Variants in CADPS2 observed in about 807,000 individuals in gnomAD.
CADPS2 encodes the protein calcium dependent secretion activator 2.
CADPS2 carries 93 observed loss-of-function variants against 172.5 expected under a neutral mutation model. The ratio of observed to expected loss-of-function variants is 0.54; its 90% CI spans 0.46 to 0.64. The LOEUF is 0.64. Ranked by LOEUF, CADPS2 falls within the 30% of genes least tolerant of loss-of-function variation. The pLI, the probability that CADPS2 is intolerant of heterozygous loss-of-function variation, is 0.00. For missense variants in CADPS2, 1,420 were observed against 1,565.9 expected, an observed-to-expected ratio of 0.91 and a Z score of 1.57; for synonymous variants, 546 against 555.2, an observed-to-expected ratio of 0.98 and a Z score of 0.23.
At chr7:122,472,723 GATAGA>G (rs752096686) in intron 13 of CADPS2, among the ~76,000 whole-genome samples, 4 of 152,168 alleles carry the variant, frequency 2.6e-5, no homozygotes, top group Non-Finnish European at 5.9e-5. Flanking sequence ...TCCATGAAAA[GATAGA>G]ATAGGATTTT....
chr7:122,392,167 G>C (rs1044701699), intron 22 of CADPS2, among the ~76,000 whole-genome samples: 1 of 152,060 alleles, frequency 6.6e-6, no homozygotes, highest in Non-Finnish European at 1.5e-5. Context: ...GTAACTGCCC[G>C]AGTTTTCCCA....
intron 2 of CADPS2, among the ~76,000 whole-genome samples, chr7:122,693,257 CTTCT>C (rs2084631358): frequency 6.6e-6 from 1 of 152,184 alleles, no homozygotes; most frequent in African/African-American, 2.4e-5. Context: ...ATATCATTTC[CTTCT>C]TTAAGTGTTC....
At chr7:122,642,212 A>G (rs1351961864) in intron 3 of CADPS2, among the ~76,000 whole-genome samples, 2 of 151,326 alleles carry the variant, frequency 1.3e-5, no homozygotes, top group African/African-American at 2.4e-5. Context: ...CCCAGGAGGC[A>G]GAGGTTGCAG....
chr7:122,437,539 A>G (rs1200227158), intron 17 of CADPS2, among the ~76,000 whole-genome samples: 2 of 152,086 alleles, frequency 1.3e-5, no homozygotes, highest in African/African-American at 4.8e-5. Flanking sequence ...TTTTATTTTC[A>G]GGTAAGAAAC....
rs116359524 is a variant in CADPS2, at chr7:122,371,243, A to G, written c.3387+8125T>C. 5.5e-3 allele frequency among the ~76,000 whole-genome samples: 842 copies of G among 152,342 alleles called. 6 individuals are homozygous for G. The highest frequency in any genetic ancestry group is 0.019 in the African/African-American group (777 of 41,574). On this transcript the variant is annotated intron_variant, in intron 25 of 29. Coordinates refer to ENST00000449022, the MANE Select transcript of CADPS2 (RefSeq NM_017954.11). ...AAAGATACTCTGGCTTCAGGGCTGT[A>G]TTAGTCTGTTCACACACTGCTATGA...
At chr7:122,738,302 G>A (rs1394771577) in intron 1 of CADPS2, among the ~76,000 whole-genome samples, 1 of 152,112 alleles carries the variant, frequency 6.6e-6, no homozygotes, top group African/African-American at 2.4e-5. Flanking sequence ...ATTAAGCTGA[G>A]TGCAGAGCCC....
intron 11 of CADPS2, among the ~76,000 whole-genome samples, chr7:122,481,162 C>A (rs1393678381): frequency 1.9e-5 from 2 of 107,544 alleles, no homozygotes; most frequent in Non-Finnish European, 1.8e-5. Context: ...TTTCTTCATT[C>A]TTTTTTTTTT....
intron 1 of CADPS2, among the ~76,000 whole-genome samples, chr7:122,819,740 T>C (rs1584619266): frequency 6.6e-6 from 1 of 152,210 alleles, no homozygotes; most frequent in Non-Finnish European, 1.5e-5. Context: ...ACTACAGCTA[T>C]ATCTCATCGC....
chr7:122,533,233 T>C (rs2061937879), intron 8 of CADPS2, among the ~76,000 whole-genome samples: 1 of 152,116 alleles, frequency 6.6e-6, no homozygotes, highest in African/African-American at 2.4e-5. Flanking sequence ...TCTTTATTAA[T>C]ATGTAGAAAT....
At chr7:122,491,269 T>C (rs1346295247) in intron 10 of CADPS2, 43 bp downstream of exon 10, 2 of 1,251,662 alleles carry the variant, frequency 1.6e-6, no homozygotes, top group East Asian at 2.4e-5. Flanking sequence ...AAGAATTCCA[T>C]GCATACATAC....
chr7:122,882,791 C>T (rs1287750800), intron 1 of CADPS2, among the ~76,000 whole-genome samples: 1 of 152,120 alleles, frequency 6.6e-6, no homozygotes, highest in African/African-American at 2.4e-5. Flanking sequence ...ATTGTTAGCA[C>T]TGGGGTGGTG....
chr7:122,813,423 T>C (rs1800542301), intron 1 of CADPS2, among the ~76,000 whole-genome samples: 1 of 152,138 alleles, frequency 6.6e-6, no homozygotes, highest in South Asian at 2.1e-4. Flanking sequence ...GTCTCTTTGC[T>C]AAAACGTTAC....
chr7:122,605,177 T>C (rs924640746), intron 6 of CADPS2, among the ~76,000 whole-genome samples: 3 of 152,082 alleles, frequency 2.0e-5, no homozygotes, highest in African/African-American at 7.2e-5. Flanking sequence ...GAAAGGAAAT[T>C]GCAGGACGGG....
chr7:122,536,854 A>G (rs756001953), intron 8 of CADPS2, among the ~76,000 whole-genome samples: 16 of 152,134 alleles, frequency 1.1e-4, no homozygotes, highest in Non-Finnish European at 2.1e-4. Flanking sequence ...AGACTTGGTC[A>G]CCACTGGTCA....
intron 9 of CADPS2, among the ~76,000 whole-genome samples, chr7:122,506,200 T>C (rs2059595800): frequency 6.6e-6 from 1 of 152,210 alleles, no homozygotes; most frequent in Non-Finnish European, 1.5e-5. Flanking sequence ...CGGTATTTGT[T>C]TTCATTTACG....
intron 6 of CADPS2, among the ~76,000 whole-genome samples, chr7:122,604,876 C>T (rs969079164): frequency 2.0e-5 from 3 of 152,020 alleles, no homozygotes; most frequent in Non-Finnish European, 4.4e-5. Flanking sequence ...CTGAGAAATG[C>T]ATCCTTAGGC....
chr7:122,595,074 A>G (rs933176900), intron 6 of CADPS2, among the ~76,000 whole-genome samples: 3 of 151,816 alleles, frequency 2.0e-5, no homozygotes, highest in African/African-American at 7.3e-5. Flanking sequence ...ATTGCTCCCA[A>G]ACCCTCAACT....
chr7:122,853,934 C>T (rs1814438282), intron 1 of CADPS2, among the ~76,000 whole-genome samples: 1 of 152,194 alleles, frequency 6.6e-6, no homozygotes, highest in African/African-American at 2.4e-5. Flanking sequence ...GAAGCTCCTT[C>T]TACTGTGGGG....
chr7:122,851,121 A>C (rs1365387805), intron 1 of CADPS2, among the ~76,000 whole-genome samples: 1 of 152,204 alleles, frequency 6.6e-6, no homozygotes, highest in Non-Finnish European at 1.5e-5. Flanking sequence ...CCAAGAAGCA[A>C]ACACTACACA....
Sources: allele counts gnomAD v4.1 joint callset (sites outside exome capture counted in the v4.1 genomes callset), GRCh38; gene constraint gnomAD v4.1.1; transcripts MANE v1.5; gene names NCBI Gene and HGNC (gene_info 2026-07-23, HGNC 2026-07-21).